ALK: variants seen among roughly 807,000 people sequenced by gnomAD.
ALK encodes the protein ALK tyrosine kinase receptor.
In ALK, 74 loss-of-function variants were observed where a neutral mutation model predicts 163.1. The ratio of observed to expected loss-of-function variants is 0.45; its 90% CI spans 0.38 to 0.55. The LOEUF (loss-of-function observed/expected upper bound fraction) is 0.55, where lower values mean the gene tolerates loss of function less well. Ranked by LOEUF, ALK falls within the 20% of genes least tolerant of loss-of-function variation. The pLI is 0.00. For synonymous variants in ALK, 960 were observed against 843.2 expected, an observed-to-expected ratio of 1.14 and a Z score of -2.40; for missense variants, 2,063 against 2,105.3, an observed-to-expected ratio of 0.98 and a Z score of 0.39.
At chr2:29,457,138 T>C (rs1037088933) in intron 4 of ALK, among the ~76,000 whole-genome samples, 1 of 152,136 alleles carries the variant, frequency 6.6e-6, no homozygotes, top group Admixed American at 6.5e-5. Flanking sequence ...AGGGGAGATG[T>C]ACCTCTCTGG....
At chr2:29,678,770 T>A (rs1225141982) in intron 3 of ALK, among the ~76,000 whole-genome samples, 1 of 151,082 alleles carries the variant, frequency 6.6e-6, no homozygotes, top group Non-Finnish European at 1.5e-5. Context: ...TTGTATAATT[T>A]TATATAAATT....
At chr2:29,205,885 G>T (rs1669297062) in intron 26 of ALK, among the ~76,000 whole-genome samples, 1 of 152,154 alleles carries the variant, frequency 6.6e-6, no homozygotes, top group Non-Finnish European at 1.5e-5. Flanking sequence ...TCAGCCCACT[G>T]CACCTGTGCC....
chr2:29,864,828 G>A (rs1438284686), intron 1 of ALK, among the ~76,000 whole-genome samples: 1 of 152,220 alleles, frequency 6.6e-6, no homozygotes, highest in African/African-American at 2.4e-5. Context: ...CACATCCCAT[G>A]TTTGGAGAAC....
chr2:29,778,712 A>G (rs1431130542), intron 1 of ALK, among the ~76,000 whole-genome samples: 3 of 152,050 alleles, frequency 2.0e-5, no homozygotes, highest in African/African-American at 7.2e-5. Flanking sequence ...CAACACTACA[A>G]CTCTGTCCAT....
At chr2:29,826,253 G>GAAAA (rs373780798) in intron 1 of ALK, among the ~76,000 whole-genome samples, 1,908 of 115,210 alleles carry the variant, frequency 0.017, 43 homozygotes, top group African/African-American at 0.052. Flanking sequence ...AACTATTACA[G>GAAAA]AAAAAGAAAG....
At chr2:29,203,765 T>C (rs1669243990) in intron 26 of ALK, among the ~76,000 whole-genome samples, 1 of 151,988 alleles carries the variant, frequency 6.6e-6, no homozygotes, top group South Asian at 2.1e-4. Flanking sequence ...ATTTCAGGTG[T>C]GAGCCACTGC....
chr2:29,420,528 T>C lies in ALK; in HGVS notation c.1155-36669A>G, dbSNP rs1010388363. Among the ~76,000 whole-genome samples, 52 of 151,520 alleles carry C rather than the reference T, an allele frequency of 3.4e-4. 3 individuals are homozygous for C. The highest frequency in any genetic ancestry group is 1.2e-3 in the African/African-American group (49 of 40,870). ...TCCAGCCTCCCCCACCCTGAGTTTG[T>C]GAAACTGGAGCCTCCTAACACAGCT... On this transcript the variant is annotated intron_variant, in intron 4 of 28. Coordinates refer to ENST00000389048, the MANE Select transcript of ALK (RefSeq NM_004304.5).
chr2:29,822,956 T>C (rs976081721), intron 1 of ALK, among the ~76,000 whole-genome samples: 2 of 152,198 alleles, frequency 1.3e-5, no homozygotes, highest in Non-Finnish European at 2.9e-5. Flanking sequence ...GTTCCAGACA[T>C]TGACTCCCTT....
At chr2:29,220,196 T>C (rs547509102) in intron 23 of ALK, among the ~76,000 whole-genome samples, 1 of 152,278 alleles carries the variant, frequency 6.6e-6, no homozygotes, top group Admixed American at 6.5e-5. Flanking sequence ...GATTGGACCA[T>C]GGGTGGATTT....
chr2:29,661,725 G>T (rs999187582), intron 3 of ALK, among the ~76,000 whole-genome samples: 4 of 152,146 alleles, frequency 2.6e-5, no homozygotes, highest in Non-Finnish European at 5.9e-5. Flanking sequence ...GTCTGACTCT[G>T]GTCCTTGTGT....
intron 2 of ALK, among the ~76,000 whole-genome samples, chr2:29,714,902 G>A (rs1679203488): frequency 6.6e-6 from 1 of 152,140 alleles, no homozygotes; most frequent in Admixed American, 6.5e-5. Context: ...CCAGACTCTT[G>A]GCCTTAGCTC....
At chr2:29,888,676 A>G (rs1157515204) in intron 1 of ALK, among the ~76,000 whole-genome samples, 1 of 152,186 alleles carries the variant, frequency 6.6e-6, no homozygotes, top group Non-Finnish European at 1.5e-5. Flanking sequence ...AATTTCACAG[A>G]AGTAAAATTT....
At chr2:29,534,897 T>C (rs1210212756) in intron 3 of ALK, among the ~76,000 whole-genome samples, 1 of 152,170 alleles carries the variant, frequency 6.6e-6, no homozygotes, top group African/African-American at 2.4e-5. Flanking sequence ...TTTATATGAA[T>C]CTTATTTTCT....
chr2:29,827,405 G>T (rs940447196), intron 1 of ALK, among the ~76,000 whole-genome samples: 3 of 152,212 alleles, frequency 2.0e-5, no homozygotes. Context: ...GTCATGATGT[G>T]ATGTCCTCTA....
chr2:29,864,488 T>A (rs1666375104), intron 1 of ALK, among the ~76,000 whole-genome samples: 2 of 152,238 alleles, frequency 1.3e-5, no homozygotes, highest in African/African-American at 4.8e-5. Context: ...TTAGTGTTTT[T>A]GTCTCCTTCT....
chr2:29,830,740 A>C lies in ALK; in HGVS notation c.667+89253T>G, dbSNP rs936481277. 4.2e-3 allele frequency among the ~76,000 whole-genome samples: 540 copies of C among 127,638 alleles called. 20 individuals carry two copies. The highest frequency in any genetic ancestry group is 0.01 in the South Asian group (37 of 3,610). The allele number at this position is 127,638 out of a possible 152,430, so 83.7% of individuals were successfully genotyped here. On this transcript the variant is annotated intron_variant, in intron 1 of 28. Coordinates refer to ENST00000389048, the MANE Select transcript of ALK (RefSeq NM_004304.5). Reference sequence around the variant, plus strand: ...AAAAAAAAAAAAAAAAAAAAAAAAAAAAAAAAAAAAAAACTTAGCCAAGCA... The same window carrying C: ...AAAAAAAAAAAAAAAAAAAAAAAAACAAAAAAAAAAAAACTTAGCCAAGCA...
intron 1 of ALK, among the ~76,000 whole-genome samples, chr2:29,905,812 A>C (rs1459797858): frequency 6.6e-6 from 1 of 151,952 alleles, no homozygotes; most frequent in East Asian, 1.9e-4. Flanking sequence ...CGAGGAATGG[A>C]AGGGGATGCA....
intron 6 of ALK, among the ~76,000 whole-genome samples, chr2:29,328,107 T>C (rs1667327367): frequency 6.6e-6 from 1 of 152,232 alleles, no homozygotes; most frequent in Non-Finnish European, 1.5e-5. Context: ...TTGAGGATGC[T>C]GATAGCATCA....
At chr2:29,348,397 G>A (rs79012302) in intron 5 of ALK, among the ~76,000 whole-genome samples, 3,812 of 152,220 alleles carry the variant, frequency 0.025, 168 homozygotes, top group African/African-American at 0.087. Context: ...GTGCATCCTC[G>A]GGGCACCCAG....
Sources: gnomAD v4.1 joint callset for allele counts (sites outside exome capture counted in the v4.1 genomes callset) on GRCh38, gnomAD v4.1.1 for gene constraint, MANE v1.5 for transcripts, NCBI Gene and HGNC (gene_info 2026-07-23, HGNC 2026-07-21) for gene names.